Variants in PPARG observed in about 807,000 individuals in gnomAD.
PPARG encodes peroxisome proliferator activated receptor gamma.
PPARG carries 17 observed loss-of-function variants against 39.2 expected under a neutral mutation model. The observed-to-expected ratio is 0.43, with a 90% CI of 0.30 to 0.65. The LOEUF (loss-of-function observed/expected upper bound fraction) is 0.65, where lower values mean the gene tolerates loss of function less well. PPARG is among the 30% of genes least tolerant of loss of function. PPARG has a pLI of 0.13. For synonymous variants in PPARG, 223 were observed against 215.7 expected, an observed-to-expected ratio of 1.03 and a Z score of -0.30; for missense variants, 406 against 585.9, an observed-to-expected ratio of 0.69 and a Z score of 3.17.
chr3:12,407,934 C>A (rs1197161178), intron 6 of PPARG, among the ~76,000 whole-genome samples: 1 of 152,108 alleles, frequency 6.6e-6, no homozygotes, highest in Non-Finnish European at 1.5e-5. Flanking sequence ...CCACATGCAC[C>A]TGACTACTGC....
chr3:12,304,889 A>G (rs2047019473), intron 1 of PPARG, among the ~76,000 whole-genome samples: 1 of 152,224 alleles, frequency 6.6e-6, no homozygotes, highest in Admixed American at 6.5e-5. Context: ...TAATTTCTTA[A>G]TATTTAACAA....
At chr3:12,399,810 C>T (rs2050404303) in intron 5 of PPARG, among the ~76,000 whole-genome samples, 2 of 116,842 alleles carry the variant, frequency 1.7e-5, no homozygotes, top group African/African-American at 6.7e-5. Flanking sequence ...TGGCGAGATC[C>T]CATGTCTACC....
chr3:12,370,064 G>A (rs1348135508), intron 2 of PPARG, among the ~76,000 whole-genome samples: 2 of 152,050 alleles, frequency 1.3e-5, no homozygotes, highest in Non-Finnish European at 2.9e-5. Context: ...TGGTTCTGGT[G>A]GAGAACTCTG....
chr3:12,411,726 C>A (rs2050884545), intron 6 of PPARG, among the ~76,000 whole-genome samples: 1 of 152,092 alleles, frequency 6.6e-6, no homozygotes, highest in Non-Finnish European at 1.5e-5. Context: ...CTGAAGACCC[C>A]TTATGTCCTA....
At chr3:12,387,004 A>G (rs1423693170) in intron 4 of PPARG, among the ~76,000 whole-genome samples, 5 of 151,900 alleles carry the variant, frequency 3.3e-5, no homozygotes, top group Non-Finnish European at 5.9e-5. Context: ...TTTGCTTAGG[A>G]TGATGGTTTC....
At chr3:12,292,833 T>C (rs35080475) in intron 1 of PPARG, among the ~76,000 whole-genome samples, 40,106 of 151,930 alleles carry the variant, frequency 0.26, 5,754 homozygotes, top group East Asian at 0.49. Flanking sequence ...TGAGGATTGT[T>C]GGAGAGGACT....
intron 1 of PPARG, among the ~76,000 whole-genome samples, chr3:12,289,663 G>A (rs2046599907): frequency 6.6e-6 from 1 of 152,204 alleles, no homozygotes; most frequent in African/African-American, 2.4e-5. Flanking sequence ...ATCGATTGCT[G>A]ACTGAGAACA....
At chr3:12,389,758 A>G (rs182483724) in intron 4 of PPARG, among the ~76,000 whole-genome samples, 3 of 152,178 alleles carry the variant, frequency 2.0e-5, no homozygotes, top group Non-Finnish European at 4.4e-5. Context: ...AGAGCCAGGT[A>G]TGGTGGTGCA....
chr3:12,310,217 G>C (rs539224165), intron 1 of PPARG, among the ~76,000 whole-genome samples: 1 of 152,120 alleles, frequency 6.6e-6, no homozygotes, highest in Non-Finnish European at 1.5e-5. Context: ...CAAGTGTTCT[G>C]TTTGATCCGA....
At chr3:12,387,956 C>T (rs2049941421) in intron 4 of PPARG, among the ~76,000 whole-genome samples, 1 of 152,066 alleles carries the variant, frequency 6.6e-6, no homozygotes, top group South Asian at 2.1e-4. Flanking sequence ...CTAGCCATGC[C>T]AAATAACTGA....
At chr3:12,407,598 T>A (rs1489870155) in intron 6 of PPARG, among the ~76,000 whole-genome samples, 1 of 152,244 alleles carries the variant, frequency 6.6e-6, no homozygotes, top group East Asian at 1.9e-4. Flanking sequence ...AGTCATTTAT[T>A]TTCACATGAA....
At chr3:12,323,997 G>A (rs945237028) in intron 2 of PPARG, among the ~76,000 whole-genome samples, 7 of 152,160 alleles carry the variant, frequency 4.6e-5, no homozygotes, top group African/African-American at 1.7e-4. Context: ...AATAGTGTTG[G>A]AGAGGTCTCA....
intron 2 of PPARG, among the ~76,000 whole-genome samples, chr3:12,323,759 A>G (rs1289966420): frequency 6.6e-6 from 1 of 151,116 alleles, no homozygotes; most frequent in Non-Finnish European, 1.5e-5. Context: ...GTCAAGAAGA[A>G]TAAAAAAAAA....
intron 5 of PPARG, among the ~76,000 whole-genome samples, chr3:12,402,482 C>T (rs943712544): frequency 1.3e-5 from 2 of 151,878 alleles, no homozygotes; most frequent in African/African-American, 4.8e-5. Flanking sequence ...TTTTGTTACA[C>T]CTAGGAACAA....
At chr3:12,340,563 C>A (rs1163829352) in intron 2 of PPARG, among the ~76,000 whole-genome samples, 1 of 152,010 alleles carries the variant, frequency 6.6e-6, no homozygotes. Context: ...AAATAGAGGC[C>A]GTGTTTTTAA....
intron 7 of PPARG, among the ~76,000 whole-genome samples, chr3:12,426,417 C>G (rs1177828375): frequency 6.6e-6 from 1 of 152,140 alleles, no homozygotes; most frequent in African/African-American, 2.4e-5. Flanking sequence ...CGACATTGCT[C>G]CTCAAATCAT....
At chr3:12,363,241 C>A (rs2048910852) in intron 2 of PPARG, among the ~76,000 whole-genome samples, 1 of 152,056 alleles carries the variant, frequency 6.6e-6, no homozygotes, top group Non-Finnish European at 1.5e-5. Flanking sequence ...TTATAGTGCT[C>A]AGGAGAAAGA....
At position 12,326,602 on chromosome 3, in the gene PPARG, A is replaced by G. The variant is rs558282254; in HGVS notation, c.-9+14149A>G. Among the ~76,000 whole-genome samples the G allele has an allele frequency of 2.0e-5, 3 of 152,330 alleles. No homozygotes were observed. In the South Asian group the frequency reaches 6.2e-4, roughly 32 times the overall value. ...TTAAGAAATAGGGCCAAAGTTGTAC[A>G]TTGCACTAGTAGTAGACTTTTAAAG... is the stretch of plus-strand genomic sequence containing the variant. On this transcript the variant is annotated intron_variant, in intron 2 of 7. Coordinates refer to ENST00000651735, the MANE Select transcript of PPARG (RefSeq NM_138711.6).
intron 4 of PPARG, 121 bp downstream of exon 4, chr3:12,381,612 C>G (rs1299444763): frequency 1.9e-6 from 2 of 1,047,362 alleles, no homozygotes; most frequent in Non-Finnish European, 2.8e-6. Context: ...GTATCTTGCT[C>G]TGTCACCCAG....
Sources: gnomAD v4.1 joint callset for allele counts (sites outside exome capture counted in the v4.1 genomes callset) on GRCh38, gnomAD v4.1.1 for gene constraint, MANE v1.5 for transcripts, NCBI Gene and HGNC (gene_info 2026-07-23, HGNC 2026-07-21) for gene names.